The following TMPRSS9 variants were observed in gnomAD, a reference collection of about 807,000 sequenced individuals.
TMPRSS9 encodes the protein transmembrane protease serine 9.
TMPRSS9 carries 113 observed loss-of-function variants against 111.4 expected under a neutral mutation model. The observed-to-expected ratio is 1.01, with a 90% CI of 0.87 to 1.19. TMPRSS9 has a LOEUF of 1.19. Among genes scored for constraint, TMPRSS9 ranks in the 50% most tolerant of loss-of-function variants. The pLI is 0.00. For synonymous variants in TMPRSS9, 805 were observed against 659.1 expected (o/e 1.22, Z -3.39); for missense variants, 1,803 against 1,513.1 (o/e 1.19, Z -3.18).
chr19:2,374,877 ACCATCCCTGTAG>A (rs1406686069), intron 1 of TMPRSS9, among the ~76,000 whole-genome samples: 2 of 152,080 alleles, frequency 1.3e-5, no homozygotes, highest in African/African-American at 4.8e-5. Context: ...TCCTTTAGGG[ACCATCCCTGTAG>A]AAGTTCCTGC....
intron 1 of TMPRSS9, among the ~76,000 whole-genome samples, chr19:2,381,696 G>C (rs1970387152): frequency 6.6e-6 from 1 of 152,106 alleles, no homozygotes; most frequent in Non-Finnish European, 1.5e-5. Flanking sequence ...GCCAGGCATG[G>C]AGTGGCTGTT....
rs1568465415 is a variant in TMPRSS9, at chr19:2,368,788, T to TTTTTTTTTTTTG, written c.-26+8439_-26+8440insGTTTTTTTTTTT. On this transcript the variant is annotated intron_variant, in intron 1 of 17. Coordinates refer to the TMPRSS9 transcript ENST00000649857. ...GGATAAACCCAGTTTTTTTTTTTTT[T>TTTTTTTTTTTTG]TTTTTTTTTTTTTAAAGACAGAGTC... is the stretch of plus-strand genomic sequence containing the variant. 7.0e-5 allele frequency among the ~76,000 whole-genome samples: 8 copies of TTTTTTTTTTTTG among 114,372 alleles called. 2 individuals carry two copies. Among genetic ancestry groups the TTTTTTTTTTTTG allele is most frequent in the South Asian group, 2.6e-4 (1 of 3,802 alleles). The allele number at this position is 114,372 out of a possible 152,430, so 75.0% of individuals were successfully genotyped here. A position where few individuals can be genotyped will look rare whatever the true frequency, so the allele number is the denominator to read the frequency against.
At chr19:2,424,031 G>A in intron 14 of TMPRSS9, 58 bp from the exon 16 acceptor site, 9 of 1,245,612 alleles carry the variant, frequency 7.2e-6, no homozygotes, top group South Asian at 3.2e-5. Flanking sequence ...CGCCCAGGGG[G>A]GCCTTCGTGG....
intron 1 of TMPRSS9, among the ~76,000 whole-genome samples, chr19:2,394,614 C>A (rs1316321132): frequency 1.3e-5 from 2 of 151,968 alleles, no homozygotes; most frequent in Non-Finnish European, 2.9e-5. Context: ...GTTTCTTGAA[C>A]GAGAAAACAT....
intron 1 of TMPRSS9, among the ~76,000 whole-genome samples, chr19:2,380,168 C>A (rs1036184719): frequency 6.6e-6 from 1 of 152,022 alleles, no homozygotes; most frequent in Non-Finnish European, 1.5e-5. Flanking sequence ...GAGAATCATG[C>A]AGAGAGTCAT....
chr19:2,381,720 G>A (rs10422625), intron 1 of TMPRSS9, among the ~76,000 whole-genome samples: 68,890 of 151,968 alleles, frequency 0.45, 16,437 homozygotes, highest in East Asian at 0.6. Context: ...AGAGGAACAC[G>A]TTCCCCTGAG....
intron 5 of TMPRSS9, among the ~76,000 whole-genome samples, chr19:2,402,865 G>T (rs1970880749): frequency 6.6e-6 from 1 of 152,144 alleles, no homozygotes; most frequent in Non-Finnish European, 1.5e-5. Flanking sequence ...TGGAGTTAGA[G>T]GCTGCGGTGA....
chr19:2,411,400 C>CTTCTTT (rs1555679746), intron 9 of TMPRSS9, among the ~76,000 whole-genome samples: 1 of 100,678 alleles, frequency 9.9e-6, no homozygotes, highest in Admixed American at 1.1e-4. Context: ...TCTTCTTCTT[C>CTTCTTT]TTTTTTTTTT....
At position 2,393,140 on chromosome 19, in the gene TMPRSS9, A is replaced by C. The variant is rs113576192; in HGVS notation, c.142+3213A>C. Among the ~76,000 whole-genome samples, 36 of 152,298 alleles carry C rather than the reference A, an allele frequency of 2.4e-4. 1 individual carries two copies. The highest frequency in any genetic ancestry group is 5.1e-4 in the African/African-American group (21 of 41,574). On this transcript the variant is annotated intron_variant, in intron 1 of 17. Coordinates refer to ENST00000648592, the Ensembl canonical transcript of TMPRSS9. ...TAAGGGAATAAAAGCGGACTGCTGG[A>C]GCCAGCAGCGGCAACCGGCTTGGGG... is the stretch of plus-strand genomic sequence containing the variant.
chr19:2,365,818 G>T (rs1970244396), intron 1 of TMPRSS9, among the ~76,000 whole-genome samples: 1 of 151,936 alleles, frequency 6.6e-6, no homozygotes, highest in African/African-American at 2.4e-5. Context: ...AAAAAAATGA[G>T]CCAGGCATGG....
At chr19:2,409,030 A>AATAATAATAATG (rs1430224737) in intron 8 of TMPRSS9, among the ~76,000 whole-genome samples, 220 of 125,334 alleles carry the variant, frequency 1.8e-3, no homozygotes, top group Non-Finnish European at 2.6e-3. Context: ...TAATAATAAT[A>AATAATAATAATG]ATGATGATGC....
At chr19:2,376,017 A>G (rs891590132) in intron 1 of TMPRSS9, among the ~76,000 whole-genome samples, 6 of 152,092 alleles carry the variant, frequency 3.9e-5, no homozygotes, top group Admixed American at 3.3e-4. Context: ...GTCAGCATCG[A>G]GTAGCATTGT....
intron 1 of TMPRSS9, among the ~76,000 whole-genome samples, chr19:2,363,444 A>C: frequency 6.6e-6 from 1 of 151,192 alleles, no homozygotes; most frequent in African/African-American, 2.4e-5. Flanking sequence ...GGGCGGAATG[A>C]AGGCAAAGGC....
chr19:2,373,290 G>T (rs907522376), intron 1 of TMPRSS9, among the ~76,000 whole-genome samples: 1 of 152,114 alleles, frequency 6.6e-6, no homozygotes, highest in Non-Finnish European at 1.5e-5. Context: ...GAGTGCAATG[G>T]AGCAATCTGG....
At chr19:2,422,245 C>T in exon 14 of TMPRSS9, 1 of 1,505,844 alleles carries the variant, frequency 6.6e-7, no homozygotes, top group Admixed American at 2.2e-5. Context: ...ACCCAGCTAC[C>T]AGGTACCGGG....
At chr19:2,382,997 C>T (rs1486535439) in intron 1 of TMPRSS9, among the ~76,000 whole-genome samples, 1 of 152,166 alleles carries the variant, frequency 6.6e-6, no homozygotes, top group African/African-American at 2.4e-5. Flanking sequence ...AGGCCTTCGA[C>T]TGATTGGGTG....
In TMPRSS9 at chr19:2,418,102, C is replaced by T. The variant is rs147546910; in HGVS notation, c.2118C>T (p.Cys706=). ...TCTCCCTCACAGACCGCATGATCTGCGCAGGCTTCCTGGAAGGCAAAGTCG... is the reference window on the plus strand; with the variant it reads ...TCTCCCTCACAGACCGCATGATCTGTGCAGGCTTCCTGGAAGGCAAAGTCG... The change falls in exon 13 of 18, where the codon TGC becomes TGT. Residue 706 remains cysteine (C), a synonymous_variant. Coordinates refer to ENST00000648592, the Ensembl canonical transcript of TMPRSS9. 1.5e-4 allele frequency: 242 copies of T among 1,612,172 alleles called. 2 individuals carry two copies. Among genetic ancestry groups the T allele is most frequent in the South Asian group, 8.0e-4 (73 of 91,086 alleles).
In TMPRSS9 at chr19:2,415,741, GTGCC is replaced by G; in HGVS notation, c.1646_1649del (p.Val549AlafsTer6). On this transcript the variant is annotated frameshift_variant, in exon 11 of 18. Transcript: ENST00000648592. LOFTEE classifies it high-confidence loss of function. Reference sequence around the variant, plus strand: ...CGGGTTCGGAGCTGCCTCCGGGGAGGTGCCCTGGCAGGTCAGCCTGAAGGAAGGG... The same window carrying G: ...CGGGTTCGGAGCTGCCTCCGGGGAGGCTGGCAGGTCAGCCTGAAGGAAGGG... 1 of 1,610,392 alleles carries G rather than the reference GTGCC, an allele frequency of 6.2e-7. No individual in the cohort carries two copies. The highest frequency in any genetic ancestry group is 1.3e-5 in the African/African-American group (1 of 74,976).
intron 1 of TMPRSS9, 68 bp downstream of exon 2, chr19:2,389,995 T>C: frequency 6.4e-7 from 1 of 1,551,908 alleles, no homozygotes; most frequent in Non-Finnish European, 8.8e-7. Context: ...GGGAAGTGAC[T>C]TGATGGTGTC....
Sources: allele counts gnomAD v4.1 joint callset (sites outside exome capture counted in the v4.1 genomes callset), GRCh38; gene constraint gnomAD v4.1.1; transcripts MANE v1.5; gene names NCBI Gene and HGNC (gene_info 2026-07-23, HGNC 2026-07-21).